Variants in RTN1 observed in about 807,000 individuals in gnomAD.
The protein encoded by RTN1 is reticulon 1.
Under a neutral mutation model 65.5 loss-of-function variants are expected in RTN1, and 25 were observed. That is an observed-to-expected ratio of 0.38 (90% CI 0.28 to 0.53). The LOEUF is 0.53. RTN1 is among the 20% of genes least tolerant of loss of function. The probability of loss-of-function intolerance (pLI) is 0.79; values close to 1 mark genes in which losing one functional copy is unlikely to be tolerated. For missense variants in RTN1, 983 were observed against 1,025.4 expected (o/e 0.96, Z 0.57); for synonymous variants, 471 against 447.6 (o/e 1.05, Z -0.66).
chr14:59,612,451 T>A (rs1395077898), intron 3 of RTN1, among the ~76,000 whole-genome samples: 2 of 152,186 alleles, frequency 1.3e-5, no homozygotes, highest in Non-Finnish European at 2.9e-5. Context: ...GGTAAAACAG[T>A]AAATTACTGG....
rs749014046 is a variant in RTN1, at chr14:59,603,939, T to C, written c.2113-18A>G. ...ACTGCAAACTGAAGAACGAAAGCAT[T>C]ATTAGAGCTCCTAAAACCCTTCCTG... On this transcript the variant is annotated intron_variant, in intron 5 of 8. Coordinates refer to ENST00000267484, the MANE Select transcript of RTN1 (RefSeq NM_021136.3). 1.9e-6 allele frequency: 3 copies of C among 1,605,600 alleles called. No individual in the cohort carries two copies. The African/African-American group carries it at 4.0e-5, about 21-fold the overall frequency.
intron 1 of RTN1, among the ~76,000 whole-genome samples, chr14:59,865,369 AAAG>A (rs1887781097): frequency 6.6e-6 from 1 of 152,196 alleles, no homozygotes; most frequent in South Asian, 2.1e-4. Context: ...CATGAGATGT[AAAG>A]TAGTTGGATG....
At chr14:59,738,830 C>G (rs73311593) in intron 2 of RTN1, among the ~76,000 whole-genome samples, 2,321 of 152,228 alleles carry the variant, frequency 0.015, 62 homozygotes, top group African/African-American at 0.053. Context: ...TAAAAAGGAA[C>G]AGGATCATAT....
rs1258002413 is a variant in RTN1, at chr14:59,868,412, C to A, written c.241+1978G>T. Among the ~76,000 whole-genome samples, 1 of 152,096 alleles carries A rather than the reference C, an allele frequency of 6.6e-6. No homozygotes were observed. The highest frequency in any genetic ancestry group is 2.4e-5 in the African/African-American group (1 of 41,410). The stretch of plus-strand genomic sequence containing the variant: ...TATATTTGTTGCCTAGGATAGAAAA[C>A]CCCAAACACATTCAATAAAGCAAGG... On this transcript the variant is annotated intron_variant, in intron 1 of 8. Transcript: ENST00000267484. This position sits in a 1 kb window ranked among gnomAD's most constrained non-coding sequence, Gnocchi z 4.0.
intron 3 of RTN1, among the ~76,000 whole-genome samples, chr14:59,686,998 C>T (rs150530571): frequency 1.3e-3 from 192 of 152,310 alleles, no homozygotes; most frequent in African/African-American, 4.4e-3. Flanking sequence ...CCTCTGCAAC[C>T]AGAGCTATGG....
intron 3 of RTN1, among the ~76,000 whole-genome samples, chr14:59,624,465 C>A (rs1300968707): frequency 7.0e-6 from 1 of 142,020 alleles, no homozygotes; most frequent in African/African-American, 2.6e-5. Flanking sequence ...ATTTTCTTTT[C>A]TTTTTTTTTT....
chr14:59,758,234 T>C (rs768052938), intron 1 of RTN1, among the ~76,000 whole-genome samples: 1 of 152,148 alleles, frequency 6.6e-6, no homozygotes, highest in Non-Finnish European at 1.5e-5. Flanking sequence ...CTAAGTGTTC[T>C]CCAGCTTCCA....
chr14:59,766,138 G>T lies in RTN1; in HGVS notation c.242-19657C>A, dbSNP rs1394673671. ...CCAGCTACTTGGGAGGCTGAGGCAG[G>T]ACTATTGCTTGAACCCGGGAGGCAG... On this transcript the variant is annotated intron_variant, in intron 1 of 8. Transcript: ENST00000267484. The surrounding 1 kb of genome is among the most constrained non-coding windows in gnomAD (Gnocchi z 4.4). Among the ~76,000 whole-genome samples the T allele has an allele frequency of 1.3e-5, 2 of 151,984 alleles. No individual in the cohort carries two copies. Among genetic ancestry groups the T allele is most frequent in the African/African-American group, 4.8e-5 (2 of 41,354 alleles).
At chr14:59,714,601 C>T (rs1038031966) in intron 3 of RTN1, among the ~76,000 whole-genome samples, 8 of 152,192 alleles carry the variant, frequency 5.3e-5, no homozygotes, top group Admixed American at 2.6e-4. Flanking sequence ...CATCTCCACT[C>T]ACATTCTATT....
rs1952036 is a variant in RTN1, at chr14:59,713,229, C to T, written c.1765+13690G>A. 6.6e-5 allele frequency among the ~76,000 whole-genome samples: 10 copies of T among 151,990 alleles called. 1 individual carries two copies. The highest frequency in any genetic ancestry group is 6.5e-5 in the Admixed American group (1 of 15,292). ...GTGAAAAGGGGATGTGCAATCAAAA[C>T]GATACGGTGTCTTGAGGGAGGGAAT... On this transcript the variant is annotated intron_variant, in intron 3 of 8. Transcript: ENST00000267484.
At chr14:59,858,006 C>G (rs1257742006) in intron 1 of RTN1, among the ~76,000 whole-genome samples, 1 of 152,194 alleles carries the variant, frequency 6.6e-6, no homozygotes, top group African/African-American at 2.4e-5. Context: ...GGAACCCATA[C>G]AGTCATGAAA....
chr14:59,854,512 C>G (rs1434179764), intron 1 of RTN1, among the ~76,000 whole-genome samples: 4 of 151,384 alleles, frequency 2.6e-5, no homozygotes, highest in East Asian at 3.9e-4. Context: ...GTGGTGGCAC[C>G]TGCCTGTAAT....
At chr14:59,642,171 C>T (rs1281536571) in intron 3 of RTN1, among the ~76,000 whole-genome samples, 1 of 152,164 alleles carries the variant, frequency 6.6e-6, no homozygotes, top group Non-Finnish European at 1.5e-5. Context: ...ATTCCACCAA[C>T]ATCTAGACTT....
At chr14:59,745,410 G>A (rs1382069264) in intron 2 of RTN1, among the ~76,000 whole-genome samples, 1 of 152,100 alleles carries the variant, frequency 6.6e-6, no homozygotes, top group Non-Finnish European at 1.5e-5. Flanking sequence ...AGGGCTGCAT[G>A]AGGATTTTAA....
intron 3 of RTN1, among the ~76,000 whole-genome samples, chr14:59,687,050 G>A (rs7159851): frequency 0.75 from 113,616 of 152,080 alleles, 42,717 homozygotes; most frequent in African/African-American, 0.79. Flanking sequence ...GCTTTCTCCT[G>A]TTGCAGGCCC....
intron 1 of RTN1, among the ~76,000 whole-genome samples, chr14:59,776,678 G>A (rs1363902072): frequency 1.3e-5 from 2 of 152,036 alleles, no homozygotes; most frequent in Non-Finnish European, 2.9e-5. Flanking sequence ...GCTGTGTGGG[G>A]CCTTCCCCTT....
intron 1 of RTN1, among the ~76,000 whole-genome samples, chr14:59,795,832 A>C (rs1253560609): frequency 6.6e-6 from 1 of 152,212 alleles, no homozygotes; most frequent in East Asian, 1.9e-4. Context: ...ACATTTTCTC[A>C]TCTCAATGCC....
rs1885296512 is a variant in RTN1, at chr14:59,749,114, ATATATATATAGATATATCTATATC to A, written c.242-2657_242-2634del. On this transcript the variant is annotated intron_variant, in intron 1 of 8. Transcript: ENST00000267484. Reference sequence around the variant, plus strand: ...TCTATATATATATCTATATATATATATATATATATAGATATATCTATATCTATCTATCTATCTATCTATATCTAT... The same window carrying A: ...TCTATATATATATCTATATATATATATATCTATCTATCTATCTATATCTAT... 8.8e-5 allele frequency among the ~76,000 whole-genome samples: 4 copies of A among 45,580 alleles called. 1 individual carries two copies. Among genetic ancestry groups the A allele is most frequent in the African/African-American group, 5.8e-4 (4 of 6,902 alleles). The allele number at this position is 45,580 out of a possible 152,430, so 29.9% of individuals were successfully genotyped here.
intron 3 of RTN1, among the ~76,000 whole-genome samples, chr14:59,644,170 T>C (rs1882840626): frequency 6.6e-6 from 1 of 152,232 alleles, no homozygotes; most frequent in Admixed American, 6.5e-5. Flanking sequence ...GTTGCTCTTA[T>C]GGAGAGCAAT....
Sources: gnomAD v4.1 joint callset for allele counts (sites outside exome capture counted in the v4.1 genomes callset) on GRCh38, gnomAD v4.1.1 for gene constraint, Gnocchi (gnomAD v3.1) non-coding constraint, MANE v1.5 for transcripts, NCBI Gene and HGNC (gene_info 2026-07-23, HGNC 2026-07-21) for gene names.